MAP3K9: variants seen among roughly 807,000 people sequenced by gnomAD.
The protein encoded by MAP3K9 is mixed lineage kinase 1 (tyr and ser/thr specificity).
Under a neutral mutation model 95.8 loss-of-function variants are expected in MAP3K9, and 46 were observed. The observed-to-expected ratio is 0.48, with a 90% CI of 0.38 to 0.61. The LOEUF is 0.61. Ranked by LOEUF, MAP3K9 falls within the 20% of genes least tolerant of loss-of-function variation. The pLI is 0.00. For missense variants in MAP3K9, 1,296 were observed against 1,474.3 expected (o/e 0.88, Z 1.98); for synonymous variants, 533 against 593.8 (o/e 0.90, Z 1.49).
rs1395770933 is a variant in MAP3K9, at chr14:70,732,774, G to T, written c.2595C>A (p.Ser865Arg). The change falls in exon 11 of 12, where the codon AGC becomes AGA. Residue 865 changes from serine to arginine, a missense_variant. Around this residue, in one of 5 missense-constraint regions of MAP3K9, gnomAD observed 433 missense variants for 441.4 expected, o/e 0.98. Transcript: ENST00000554752. The stretch of plus-strand genomic sequence containing the variant: ...GACTCAGGGGAGGGGCCTCGACTGG[G>T]CTGACTGGCATCTCATACACGACAA... ...DEIVVYEMPV[S>R]PVEAPPLSPC... The T allele has an allele frequency of 2.5e-6, 4 of 1,613,546 alleles. No homozygotes were observed. The highest frequency in any genetic ancestry group is 3.4e-6 in the Non-Finnish European group (4 of 1,179,606).
At chr14:70,760,053 GC>G (rs11338119) in intron 3 of MAP3K9, among the ~76,000 whole-genome samples, 56,281 of 151,584 alleles carry the variant, frequency 0.37, 10,771 homozygotes, top group Middle Eastern at 0.45. Context: ...ACTGTATCCA[GC>G]CAACTTATAC....
rs139416750 is a variant in MAP3K9, at chr14:70,778,731, T to C, written c.821-17549A>G. ...CAGATGTACTGTTTTAATCTCTATT[T>C]ACGGATATGTACTGTTTTAATCTCT... On this transcript the variant is annotated intron_variant, in intron 2 of 11. Transcript: ENST00000554752. Among the ~76,000 whole-genome samples the C allele has an allele frequency of 9.9e-3, 1,512 of 152,340 alleles. 11 individuals carry two copies. Among genetic ancestry groups the C allele is most frequent in the African/African-American group, 0.027 (1,140 of 41,566 alleles).
chr14:70,792,087 A>AGAAAT (rs1310875291), intron 2 of MAP3K9, among the ~76,000 whole-genome samples: 1 of 152,196 alleles, frequency 6.6e-6, no homozygotes, highest in Non-Finnish European at 1.5e-5. Context: ...GCTTCATTTC[A>AGAAAT]GCTTTATTCA....
chr14:70,767,555 A>AG (rs1345111255), intron 2 of MAP3K9, among the ~76,000 whole-genome samples: 64 of 151,038 alleles, frequency 4.2e-4, no homozygotes, highest in Non-Finnish European at 2.2e-4. Context: ...GTAATACCTC[A>AG]GCCAGGGGTT....
chr14:70,756,197 C>T (rs993565637), intron 3 of MAP3K9, among the ~76,000 whole-genome samples: 7 of 152,160 alleles, frequency 4.6e-5, no homozygotes, highest in African/African-American at 7.2e-5. Flanking sequence ...ACTCTACATG[C>T]GGCATTTGTG....
intron 2 of MAP3K9, among the ~76,000 whole-genome samples, chr14:70,789,653 G>A (rs1373225917): frequency 1.3e-5 from 2 of 152,198 alleles, no homozygotes; most frequent in African/African-American, 4.8e-5. Context: ...CCAAGGCGGT[G>A]TTTCTTCCAT....
chr14:70,748,998 C>T lies in MAP3K9; in HGVS notation c.1157G>A (p.Trp386Ter). The part of the protein sequence containing the change: ...EPFAKLMEDC[W>*]NPDPHSRPSF... ...TGGTCGTGAGTGGGGATCAGGATTC[C>T]AGCAGTCTGAATAGAACATGTGAAT... is the stretch of plus-strand genomic sequence containing the variant. Residue 386 changes from tryptophan (W) to a stop codon, truncating the protein, a stop_gained, in exon 5 of 12, where the codon TGG becomes TAG. Coordinates refer to ENST00000554752, the MANE Select transcript of MAP3K9 (RefSeq NM_001284230.2). LOFTEE classifies it high-confidence loss of function. The T allele has an allele frequency of 6.2e-7, 1 of 1,613,270 alleles. No individual in the cohort carries two copies. Among genetic ancestry groups the T allele is most frequent in the Non-Finnish European group, 8.5e-7 (1 of 1,179,602 alleles).
At chr14:70,801,597 G>C (rs753476770) in intron 1 of MAP3K9, among the ~76,000 whole-genome samples, 1 of 152,152 alleles carries the variant, frequency 6.6e-6, no homozygotes. Flanking sequence ...TGTACTCAGT[G>C]GTGAGAAGCA....
intron 3 of MAP3K9, among the ~76,000 whole-genome samples, chr14:70,760,013 C>T (rs2054349700): frequency 6.6e-6 from 1 of 151,928 alleles, no homozygotes; most frequent in African/African-American, 2.4e-5. Flanking sequence ...ACCTTACCCT[C>T]CCAAAGTCCT....
chr14:70,764,698 G>A (rs1427367444), intron 2 of MAP3K9, among the ~76,000 whole-genome samples: 1 of 152,058 alleles, frequency 6.6e-6, no homozygotes, highest in East Asian at 1.9e-4. Context: ...CAGGTGTGGT[G>A]GTGCATGCCT....
intron 2 of MAP3K9, among the ~76,000 whole-genome samples, chr14:70,794,619 A>G (rs2139848282): frequency 6.6e-6 from 1 of 152,174 alleles, no homozygotes; most frequent in Admixed American, 6.5e-5. Flanking sequence ...AATGCACAGA[A>G]AAACTGGAAA....
intron 2 of MAP3K9, among the ~76,000 whole-genome samples, chr14:70,798,744 C>CT (rs1338370164): frequency 6.6e-6 from 1 of 151,982 alleles, no homozygotes; most frequent in African/African-American, 2.4e-5. Context: ...TCCCAAAGTG[C>CT]TGGGATTACA....
intron 5 of MAP3K9, among the ~76,000 whole-genome samples, chr14:70,743,860 T>C (rs891550619): frequency 5.9e-5 from 9 of 152,234 alleles, no homozygotes; most frequent in Non-Finnish European, 1.2e-4. Flanking sequence ...ACTGGGTATA[T>C]ACCCAAAGGA....
Position 70,725,798 on chromosome 14 carries a change from G to A in MAP3K9, c.*4582C>T, listed in dbSNP as rs1175351899. ...GAACCATATGAAATAGCTGATATTC[G>A]ACTGTTTTTGACGTAAAACCGTACG... is the stretch of plus-strand genomic sequence containing the variant. On this transcript the variant is annotated 3_prime_UTR_variant, in exon 12 of 12. Transcript: ENST00000554752. 6.6e-6 allele frequency: 1 copy of A among 151,094 alleles called. No homozygotes were observed. Among genetic ancestry groups the A allele is most frequent in the Non-Finnish European group, 1.5e-5 (1 of 67,870 alleles). 9.4% of individuals were successfully genotyped at this position (151,094 alleles called of 1,614,324 possible).
At position 70,729,885 on chromosome 14, in the gene MAP3K9, T is replaced by A. The variant is rs1166633834; in HGVS notation, c.*495A>T. On this transcript the variant is annotated 3_prime_UTR_variant, in exon 12 of 12. Coordinates refer to ENST00000554752, the MANE Select transcript of MAP3K9 (RefSeq NM_001284230.2). ...GGCTTAGGACACAGAAAAGCTCCTATCTCGAACCAAGCCAGATTCCCATTC... is the reference window on the plus strand; with the variant it reads ...GGCTTAGGACACAGAAAAGCTCCTAACTCGAACCAAGCCAGATTCCCATTC... The A allele has an allele frequency of 1.2e-5, 2 of 161,938 alleles. No homozygotes were observed. The highest frequency in any genetic ancestry group is 4.8e-5 in the African/African-American group (2 of 41,622). 10.0% of individuals were successfully genotyped at this position (161,938 alleles called of 1,614,324 possible).
intron 3 of MAP3K9, among the ~76,000 whole-genome samples, chr14:70,756,940 C>T (rs2054306476): frequency 1.3e-5 from 2 of 152,146 alleles, no homozygotes; most frequent in African/African-American, 4.8e-5. Context: ...CATGAAATTG[C>T]TGATTTTATA....
intron 2 of MAP3K9, among the ~76,000 whole-genome samples, chr14:70,770,311 G>A (rs1226538394): frequency 6.6e-6 from 1 of 152,074 alleles, no homozygotes; most frequent in Admixed American, 6.5e-5. Flanking sequence ...CTCCCATGTA[G>A]CTGGGATTAC....
chr14:70,794,068 G>A (rs1184918195), intron 2 of MAP3K9, among the ~76,000 whole-genome samples: 3 of 152,234 alleles, frequency 2.0e-5, no homozygotes. Flanking sequence ...AGCCAGGTTT[G>A]AACTGAGCAC....
intron 3 of MAP3K9, among the ~76,000 whole-genome samples, chr14:70,754,921 A>G (rs2054277901): frequency 6.6e-6 from 1 of 152,214 alleles, no homozygotes; most frequent in Non-Finnish European, 1.5e-5. Flanking sequence ...AATTTCAGCA[A>G]TAGCCTTCTT....
Sources: gnomAD v4.1 joint callset for allele counts (sites outside exome capture counted in the v4.1 genomes callset) on GRCh38, gnomAD v4.1.1 for gene constraint, gnomAD v4.1.1 regional missense constraint, MANE v1.5 for transcripts, NCBI Gene and HGNC (gene_info 2026-07-23, HGNC 2026-07-21) for gene names.